RIMS2: variants seen among roughly 807,000 people sequenced by gnomAD.
RIMS2 encodes regulating synaptic membrane exocytosis protein 2.
In RIMS2, 59 loss-of-function variants were observed where a neutral mutation model predicts 174.4. The ratio of observed to expected loss-of-function variants is 0.34; its 90% CI spans 0.27 to 0.42. The LOEUF is 0.42. Among genes scored for constraint, RIMS2 ranks in the 10% least tolerant of loss-of-function variants. The pLI is 1.00. For missense variants in RIMS2, 1,620 were observed against 1,666.3 expected (o/e 0.97, Z 0.48); for synonymous variants, 606 against 572.5 (o/e 1.06, Z -0.84).
At chr8:103,855,030 T>A (rs2099019991) in intron 3 of RIMS2, among the ~76,000 whole-genome samples, 1 of 152,070 alleles carries the variant, frequency 6.6e-6, no homozygotes, top group African/African-American at 2.4e-5. Context: ...CTAATGCAAT[T>A]TCAGAGCTCA....
At chr8:103,994,861 T>C (rs1019939861) in intron 17 of RIMS2, among the ~76,000 whole-genome samples, 9 of 152,102 alleles carry the variant, frequency 5.9e-5, no homozygotes, top group Non-Finnish European at 1.0e-4. Context: ...TTTGGCTTTA[T>C]AGGGACAAAG....
chr8:104,069,757 G>A (rs896951685), intron 19 of RIMS2, among the ~76,000 whole-genome samples: 13 of 152,034 alleles, frequency 8.6e-5, no homozygotes, highest in Non-Finnish European at 1.5e-4. Context: ...GAGCCACTGC[G>A]CCCGGCCTAT....
Position 104,157,197 on chromosome 8 carries a change from T to TTTTGTTTTGTTTTGTG in RIMS2, c.3335-87718_3335-87717insTTGTTTTGTTTTGTGT, listed in dbSNP as rs1186991055. ...TTGTAGATGAGGTAAACAAAACATT[T>TTTTGTTTTGTTTTGTG]TCTGTAAGTGAAAGCTGGTGTTAAC... On this transcript the variant is annotated intron_variant, in intron 19 of 23. Transcript: ENST00000504942. Among the ~76,000 whole-genome samples, 3 of 152,204 alleles carry TTTTGTTTTGTTTTGTG rather than the reference T, an allele frequency of 2.0e-5. No homozygotes were observed. In the East Asian group the frequency reaches 5.8e-4, roughly 29 times the overall value.
intron 3 of RIMS2, among the ~76,000 whole-genome samples, chr8:103,826,948 T>C (rs532043070): frequency 6.6e-6 from 1 of 152,062 alleles, no homozygotes; most frequent in South Asian, 2.1e-4. Flanking sequence ...AGCACTGGGA[T>C]TACAGGCATG....
intron 1 of RIMS2, among the ~76,000 whole-genome samples, chr8:103,598,600 A>G (rs2094565363): frequency 1.3e-5 from 2 of 152,228 alleles, no homozygotes; most frequent in South Asian, 4.1e-4. Flanking sequence ...TTAGAAGCAA[A>G]ACCTTACCTC....
intron 3 of RIMS2, among the ~76,000 whole-genome samples, chr8:103,805,678 T>C (rs1177220418): frequency 6.6e-6 from 1 of 152,176 alleles, no homozygotes; most frequent in Non-Finnish European, 1.5e-5. Context: ...ATGCAATCTC[T>C]CTTCCACTTT....
chr8:103,912,972 T>G (rs1024455493), intron 6 of RIMS2, among the ~76,000 whole-genome samples: 5 of 140,716 alleles, frequency 3.6e-5, no homozygotes, highest in South Asian at 4.7e-4. Flanking sequence ...TTTTTGTTGT[T>G]TTTTTTTTTT....
chr8:103,961,930 T>C (rs560990256), intron 15 of RIMS2, among the ~76,000 whole-genome samples: 2 of 152,268 alleles, frequency 1.3e-5, no homozygotes, highest in East Asian at 3.9e-4. Context: ...TTCCCTTTCT[T>C]TGTACTAAGG....
At chr8:104,233,680 T>C (rs1464933142) in intron 19 of RIMS2, among the ~76,000 whole-genome samples, 3 of 152,206 alleles carry the variant, frequency 2.0e-5, no homozygotes, top group Non-Finnish European at 4.4e-5. Flanking sequence ...AACTCCATTG[T>C]TATCTTATGG....
At chr8:103,671,939 G>C (rs2096749765) in intron 1 of RIMS2, among the ~76,000 whole-genome samples, 1 of 152,042 alleles carries the variant, frequency 6.6e-6, no homozygotes, top group African/African-American at 2.4e-5. Flanking sequence ...GAATGTTTCA[G>C]GGTCCCTCTG....
chr8:103,797,722 GA>G (rs1468947045), intron 3 of RIMS2, among the ~76,000 whole-genome samples: 4 of 152,106 alleles, frequency 2.6e-5, no homozygotes, highest in African/African-American at 7.2e-5. Flanking sequence ...TAGCATATTT[GA>G]AAAGAAATTG....
intron 2 of RIMS2, among the ~76,000 whole-genome samples, chr8:103,740,766 A>T (rs1307047624): frequency 6.6e-6 from 1 of 152,178 alleles, no homozygotes; most frequent in Admixed American, 6.6e-5. Flanking sequence ...CTCTTTAAAA[A>T]TGTATCCAGT....
intron 3 of RIMS2, among the ~76,000 whole-genome samples, chr8:103,859,777 G>A (rs1399628566): frequency 6.6e-6 from 1 of 152,102 alleles, no homozygotes; most frequent in Non-Finnish European, 1.5e-5. Flanking sequence ...GTAATTACTT[G>A]TTATGTGGTC....
intron 19 of RIMS2, chr8:104,015,380 G>A: frequency 1.5e-6 from 1 of 663,408 alleles, no homozygotes; most frequent in South Asian, 1.6e-5. Flanking sequence ...CTTTTTGTTT[G>A]TTTGTTTTTG....
intron 1 of RIMS2, among the ~76,000 whole-genome samples, chr8:103,605,466 T>C (rs1050446233): frequency 6.7e-5 from 10 of 148,544 alleles, no homozygotes; most frequent in African/African-American, 2.5e-4. Context: ...ATTCTCTTTT[T>C]TGCTTGTGTC....
rs536094121 is a variant in RIMS2 at position 103,629,136 on chromosome 8, C to T, written c.177-67950C>T. Among the ~76,000 whole-genome samples, 24 of 152,312 alleles carry T rather than the reference C, an allele frequency of 1.6e-4. 1 individual carries two copies. The South Asian group carries it at 4.6e-3, about 29-fold the overall frequency. On this transcript the variant is annotated intron_variant, in intron 1 of 23. Coordinates refer to ENST00000504942, the Ensembl canonical transcript of RIMS2. ...AGTACCCCTTTGCCCCTACCCTGCACCTGACTCAACTGGGTGCTGCAGCCA... is the reference window on the plus strand; with the variant it reads ...AGTACCCCTTTGCCCCTACCCTGCATCTGACTCAACTGGGTGCTGCAGCCA...
chr8:103,970,819 G>A (rs975042800), intron 15 of RIMS2, among the ~76,000 whole-genome samples: 1 of 152,084 alleles, frequency 6.6e-6, no homozygotes, highest in African/African-American at 2.4e-5. Flanking sequence ...TTGTTGTTAG[G>A]ACAGTGAAAA....
chr8:103,883,585 G>A (rs1270241358), intron 3 of RIMS2, among the ~76,000 whole-genome samples: 1 of 151,768 alleles, frequency 6.6e-6, no homozygotes, highest in East Asian at 1.9e-4. Context: ...ATATATAAAT[G>A]TAAATGCTAA....
intron 19 of RIMS2, chr8:104,094,601 G>A (rs981696300): frequency 8.5e-6 from 6 of 701,894 alleles, no homozygotes; most frequent in Admixed American, 2.0e-5. Flanking sequence ...TTGCCAAAAC[G>A]TGTAATAAGG....
Sources: allele counts gnomAD v4.1 joint callset (sites outside exome capture counted in the v4.1 genomes callset), GRCh38; gene constraint gnomAD v4.1.1; transcripts MANE v1.5; gene names NCBI Gene and HGNC (gene_info 2026-07-23, HGNC 2026-07-21).